The following AKR1A1 variants were observed in gnomAD, a reference collection of about 807,000 sequenced individuals.
AKR1A1 encodes HEL-S-165mP.
A neutral mutation model predicts 39.2 loss-of-function variants in AKR1A1; 26 were observed. That is an observed-to-expected ratio of 0.66 (90% CI 0.49 to 0.92). AKR1A1 has a LOEUF of 0.92. AKR1A1 is among the 40% of genes least tolerant of loss of function. AKR1A1 has a pLI of 0.00. For synonymous variants in AKR1A1, 141 were observed against 155.5 expected, an observed-to-expected ratio of 0.91 and a Z score of 0.69; for missense variants, 378 against 406.5, an observed-to-expected ratio of 0.93 and a Z score of 0.60.
chr1:45,560,729 T>TTC (rs1252234503), intron 1 of AKR1A1, among the ~76,000 whole-genome samples: 1 of 149,140 alleles, frequency 6.7e-6, no homozygotes, highest in East Asian at 1.9e-4. Context: ...GCAGTTCTTT[T>TTC]TTTTTTTTTT....
rs576828279 is a variant in AKR1A1 at position 45,568,157 on chromosome 1, G to A, written c.532G>A (p.Val178Met). ...QIDDILSVAS[V>M]RPAVLQVECH... Reference sequence around the variant, plus strand: ...TGATGACATACTCAGTGTGGCCTCCGTGCGTCCAGCTGTCTTGCAGGTAAG... The same window carrying A: ...TGATGACATACTCAGTGTGGCCTCCATGCGTCCAGCTGTCTTGCAGGTAAG... Residue 178 changes from valine (V) to methionine (M), a missense_variant, in exon 5 of 9, where the codon GTG (valine) becomes ATG (methionine). By Grantham distance (21) the Val-to-Met change is conservative (BLOSUM62 1). Coordinates refer to ENST00000351829, the MANE Select transcript of AKR1A1 (RefSeq NM_153326.3). The A allele has an allele frequency of 5.6e-6, 9 of 1,613,310 alleles. No homozygotes were observed. The highest frequency in any genetic ancestry group is 3.3e-5 in the Admixed American group (2 of 59,856).
intron 5 of AKR1A1, 32 bp downstream of exon 5, chr1:45,568,209 GGTT>G (rs746639983): frequency 6.3e-7 from 1 of 1,587,060 alleles, no homozygotes; most frequent in Admixed American, 1.8e-5. Context: ...GTGGTTTAGG[GGTT>G]GTCTGCTCAA....
intron 1 of AKR1A1, among the ~76,000 whole-genome samples, chr1:45,556,770 G>C (rs9429085): frequency 7.9e-5 from 12 of 151,336 alleles, no homozygotes; most frequent in African/African-American, 2.9e-4. Context: ...CCAGCTACTC[G>C]GGAGGCTGAG....
At position 45,569,930 on chromosome 1, in the gene AKR1A1, C is replaced by T. The variant is rs370509743; in HGVS notation, c.952C>T (p.Leu318=). The change falls in exon 9 of 9, where the codon CTG becomes TTG. Residue 318 remains leucine, a synonymous_variant. Coordinates refer to ENST00000351829, the MANE Select transcript of AKR1A1 (RefSeq NM_153326.3). ...AGTCCCAAGGGATGCAGGGCATCCT[C>T]TGTACCCCTTTAATGACCCGTACTG... ...KRVPRDAGHP[L]YPFNDPY The T allele has an allele frequency of 6.9e-5, 111 of 1,614,064 alleles. No homozygotes were observed. The highest frequency in any genetic ancestry group is 9.1e-5 in the Non-Finnish European group (107 of 1,180,014).
At chr1:45,561,395 T>TTTTCCCCACCC (rs1350534194) in intron 1 of AKR1A1, among the ~76,000 whole-genome samples, 1 of 76,806 alleles carries the variant, frequency 1.3e-5, no homozygotes, top group African/African-American at 5.9e-5. Flanking sequence ...ATCTGTCCCC[T>TTTTCCCCACCC]CTTCCCGGCC....
intron 5 of AKR1A1, 112 bp from the exon 6 acceptor site, chr1:45,568,373 G>A (rs1213431146): frequency 1.5e-6 from 2 of 1,314,410 alleles, no homozygotes; most frequent in Non-Finnish European, 2.1e-6. Flanking sequence ...AAAGCAGGCT[G>A]AAGGGGAGTG....
intron 2 of AKR1A1, among the ~76,000 whole-genome samples, chr1:45,564,407 A>G (rs2148300530): frequency 6.6e-6 from 1 of 152,206 alleles, no homozygotes. Flanking sequence ...AGGGCCGGGT[A>G]CCCTTGTTTC....
intron 1 of AKR1A1, among the ~76,000 whole-genome samples, chr1:45,560,509 G>T (rs1644263790): frequency 6.6e-6 from 1 of 152,128 alleles, no homozygotes; most frequent in South Asian, 2.1e-4. Flanking sequence ...ACTTGGAAGG[G>T]TGAGGCAGGA....
chr1:45,566,803 A>T, intron 3 of AKR1A1, 66 bp from the exon 4 acceptor site: 1 of 1,596,458 alleles, frequency 6.3e-7, no homozygotes, highest in Non-Finnish European at 8.5e-7. Flanking sequence ...CCTCTCCCAG[A>T]GTTGAGGGTG....
chr1:45,553,873 T>C (rs1312827891), intron 1 of AKR1A1, among the ~76,000 whole-genome samples: 1 of 151,964 alleles, frequency 6.6e-6, no homozygotes, highest in Non-Finnish European at 1.5e-5. Context: ...CGGGCACCTG[T>C]AGTCCCAGCT....
intron 7 of AKR1A1, 57 bp downstream of exon 7, chr1:45,569,056 A>T: frequency 6.2e-7 from 1 of 1,607,796 alleles, no homozygotes; most frequent in South Asian, 1.1e-5. Context: ...CTTGGCCCTG[A>T]CTCTACCTGG....
At chr1:45,559,634 CTTTTTTTTTTTTT>C (rs71056306) in intron 1 of AKR1A1, among the ~76,000 whole-genome samples, 2 of 73,130 alleles carry the variant, frequency 2.7e-5, no homozygotes, top group African/African-American at 5.7e-5. Flanking sequence ...CTTTTCTTTT[CTTTTTTTTTTTTT>C]TTTTTTTTTT....
chr1:45,563,095 G>A (rs1644298946), intron 2 of AKR1A1, among the ~76,000 whole-genome samples: 2 of 145,238 alleles, frequency 1.4e-5, no homozygotes, highest in South Asian at 4.4e-4. Context: ...GACAGAGCGA[G>A]ACCATCTTAA....
chr1:45,561,075 T>C (rs1644271775), intron 1 of AKR1A1, among the ~76,000 whole-genome samples: 1 of 152,226 alleles, frequency 6.6e-6, no homozygotes, highest in Non-Finnish European at 1.5e-5. Flanking sequence ...TATTTCATTC[T>C]CAGAGAAGTG....
intron 1 of AKR1A1, among the ~76,000 whole-genome samples, chr1:45,560,031 A>G (rs186327117): frequency 6.7e-6 from 1 of 149,164 alleles, no homozygotes; most frequent in Non-Finnish European, 1.5e-5. Flanking sequence ...TGTGTCGCCC[A>G]GGCTGGAGTG....
Position 45,568,018 on chromosome 1 carries a change from G to T in AKR1A1, c.393G>T (p.Gly131=), listed in dbSNP as rs146246275. 2.5e-6 allele frequency: 4 copies of T among 1,613,826 alleles called. No homozygotes were observed. The African/African-American group carries it at 4.0e-5, about 16-fold the overall frequency. The change falls in exon 5 of 9, where the codon GGG becomes GGT. Residue 131 remains glycine, a synonymous_variant. Coordinates refer to ENST00000351829, the MANE Select transcript of AKR1A1 (RefSeq NM_153326.3). ...ACCCCTTCCCCAAGAATGCTGATGGGACTATATGCTACGACTCCACCCACT... is the reference window on the plus strand; with the variant it reads ...ACCCCTTCCCCAAGAATGCTGATGGTACTATATGCTACGACTCCACCCACT... ...GDNPFPKNAD[G]TICYDSTHYK...
At chr1:45,569,684 C>A (rs1644389868) in intron 8 of AKR1A1, among the ~76,000 whole-genome samples, 1 of 152,132 alleles carries the variant, frequency 6.6e-6, no homozygotes, top group Non-Finnish European at 1.5e-5. Context: ...CTCTTAGGGG[C>A]AGGGGTAGCT....
At position 45,555,225 on chromosome 1, in the gene AKR1A1, C is replaced by T. The variant is rs999272284; in HGVS notation, c.-7+4070C>T. Reference sequence around the variant, plus strand: ...AGTATAGGCCGGGCGTGGTAGCTCACGCCTGTAATCCCAGCATTTTGGGAG... The same window carrying T: ...AGTATAGGCCGGGCGTGGTAGCTCATGCCTGTAATCCCAGCATTTTGGGAG... On this transcript the variant is annotated intron_variant, in intron 1 of 8. Coordinates refer to ENST00000351829, the MANE Select transcript of AKR1A1 (RefSeq NM_153326.3). Among the ~76,000 whole-genome samples, 5 of 152,318 alleles carry T rather than the reference C, an allele frequency of 3.3e-5. No individual in the cohort carries two copies. The South Asian group carries it at 8.3e-4, about 25-fold the overall frequency.
At chr1:45,567,100 G>A in intron 4 of AKR1A1, 80 bp downstream of exon 4, 1 of 1,550,030 alleles carries the variant, frequency 6.5e-7, no homozygotes, top group Non-Finnish European at 8.7e-7. Flanking sequence ...AGTCACAGCA[G>A]CAGAGCAGGA....
Sources: allele counts gnomAD v4.1 joint callset (sites outside exome capture counted in the v4.1 genomes callset), GRCh38; gene constraint gnomAD v4.1.1; transcripts MANE v1.5; gene names NCBI Gene and HGNC (gene_info 2026-07-23, HGNC 2026-07-21).